The following SRGAP3 variants were observed in gnomAD, a reference collection of about 807,000 sequenced individuals.
SRGAP3 encodes the protein SLIT-ROBO Rho GTPase-activating protein 3.
SRGAP3 carries 39 observed loss-of-function variants against 121.1 expected under a neutral mutation model. That is an observed-to-expected ratio of 0.32 (90% confidence interval 0.25 to 0.42). SRGAP3 has a LOEUF of 0.42. Among genes scored for constraint, SRGAP3 ranks in the 10% least tolerant of loss-of-function variants. SRGAP3 has a pLI of 1.00. For missense variants in SRGAP3, 1,213 were observed against 1,470.6 expected (o/e 0.82, Z 2.86); for synonymous variants, 601 against 570.0 (o/e 1.05, Z -0.77).
chr3:9,044,420 C>A (rs1945160427), intron 10 of SRGAP3, among the ~76,000 whole-genome samples: 1 of 152,186 alleles, frequency 6.6e-6, no homozygotes, highest in African/African-American at 2.4e-5. Flanking sequence ...GATGGAGCCG[C>A]GATGGCGTAA....
chr3:9,174,716 A>C (rs911796244), intron 1 of SRGAP3, among the ~76,000 whole-genome samples: 1 of 152,092 alleles, frequency 6.6e-6, no homozygotes, highest in African/African-American at 2.4e-5. Flanking sequence ...CCCAGACGGG[A>C]GTGAGGGGGC....
chr3:9,172,163 C>T (rs1435203335), intron 1 of SRGAP3, among the ~76,000 whole-genome samples: 4 of 150,662 alleles, frequency 2.7e-5, no homozygotes, highest in African/African-American at 9.8e-5. Flanking sequence ...GTGCAGTCTC[C>T]ACTCACTGCA....
At chr3:9,189,334 G>A (rs116840103) in intron 1 of SRGAP3, among the ~76,000 whole-genome samples, 2,749 of 152,326 alleles carry the variant, frequency 0.018, 59 homozygotes, top group East Asian at 0.075. Context: ...CAGCTGGTAA[G>A]GCAAGCCCCT....
intron 3 of SRGAP3, among the ~76,000 whole-genome samples, chr3:9,301,114 A>G (rs1955047278): frequency 1.3e-5 from 2 of 152,046 alleles, no homozygotes; most frequent in Admixed American, 1.3e-4. Context: ...CCCTTGGTGA[A>G]GTTTCGTTTT....
chr3:9,058,373 C>T lies in SRGAP3; in HGVS notation c.901G>A (p.Val301Ile). 6.2e-7 allele frequency: 1 copy of T among 1,614,260 alleles called. No homozygotes were observed. Among genetic ancestry groups the T allele is most frequent in the Non-Finnish European group, 8.5e-7 (1 of 1,180,046 alleles). ...LETSRHEGLDVIENAVDNLDS... is the reference protein window; with the variant it reads ...LETSRHEGLDIIENAVDNLDS... The stretch of plus-strand genomic sequence containing the variant: ...AGGTTGTCCACTGCATTCTCAATGA[C>T]ATCCAGCCCTTCGTGGCGAGAGGTC... The change falls in exon 7 of 22, where the codon GTC (valine) becomes ATC (isoleucine). Residue 301 changes from valine (V) to isoleucine (I), a missense_variant. By Grantham distance (29) the Val-to-Ile change is conservative (BLOSUM62 3). Transcript: ENST00000383836.
At chr3:9,179,523 ATCACCAATGGAT>A (rs1033790225) in intron 1 of SRGAP3, among the ~76,000 whole-genome samples, 73 of 152,356 alleles carry the variant, frequency 4.8e-4, no homozygotes, top group African/African-American at 1.7e-3. Context: ...ATCAGATGCC[ATCACCAATGGAT>A]GCCTGGTGGC....
intron 6 of SRGAP3, chr3:9,059,953 AG>A: frequency 2.3e-6 from 1 of 442,766 alleles, no homozygotes; most frequent in Non-Finnish European, 4.2e-6. Flanking sequence ...GGTGTCCAGG[AG>A]GGTACTTGGG....
At chr3:9,059,373 G>T (rs1341716543) in intron 6 of SRGAP3, 1 of 152,290 alleles carries the variant, frequency 6.6e-6, no homozygotes, top group Admixed American at 6.5e-5. Context: ...AAAGAGGAAG[G>T]TCTGGCCTTG....
intron 1 of SRGAP3, among the ~76,000 whole-genome samples, chr3:9,171,158 A>C (rs1388320458): frequency 6.6e-6 from 1 of 152,206 alleles, no homozygotes; most frequent in Non-Finnish European, 1.5e-5. Context: ...TGAGAACCTG[A>C]AAAAGTCCTG....
chr3:9,017,957 T>C (rs1159817532), intron 14 of SRGAP3, among the ~76,000 whole-genome samples: 1 of 152,186 alleles, frequency 6.6e-6, no homozygotes, highest in Non-Finnish European at 1.5e-5. Context: ...ACTTATTTCT[T>C]CTATCTAATT....
At chr3:9,198,399 A>G (rs1310124003) in intron 1 of SRGAP3, among the ~76,000 whole-genome samples, 1 of 152,224 alleles carries the variant, frequency 6.6e-6, no homozygotes, top group Non-Finnish European at 1.5e-5. Context: ...GATGAGGAAG[A>G]CTGGGGTAAT....
At chr3:9,052,008 C>T (rs572325231) in intron 9 of SRGAP3, among the ~76,000 whole-genome samples, 2 of 152,138 alleles carry the variant, frequency 1.3e-5, no homozygotes, top group Non-Finnish European at 1.5e-5. Flanking sequence ...CCACGGTGCC[C>T]GGCCAATTTT....
At chr3:9,281,077 G>A (rs1367615416) in intron 3 of SRGAP3, among the ~76,000 whole-genome samples, 2 of 152,058 alleles carry the variant, frequency 1.3e-5, no homozygotes, top group African/African-American at 2.4e-5. Flanking sequence ...TTGCTATCTC[G>A]CCTCTCCACA....
At chr3:9,025,197 C>G (rs1484786649) in intron 14 of SRGAP3, 64 bp downstream of exon 14, 1 of 1,562,820 alleles carries the variant, frequency 6.4e-7, no homozygotes, top group Non-Finnish European at 8.8e-7. Flanking sequence ...GGCTCTGAGA[C>G]ACACGTGAAT....
chr3:9,122,042 G>A lies in SRGAP3; in HGVS notation c.260+2683C>T, dbSNP rs141369840. 9.0e-3 allele frequency among the ~76,000 whole-genome samples: 1,376 copies of A among 152,286 alleles called. 21 individuals are homozygous for A. The highest frequency in any genetic ancestry group is 0.03 in the African/African-American group (1,233 of 41,558). ...TTCAATTCTGTCTCTTTCCAATTGC[G>A]GGTTCACAGACATGTTTGGACAAGC... On this transcript the variant is annotated intron_variant, in intron 2 of 21. Coordinates refer to ENST00000383836, the MANE Select transcript of SRGAP3 (RefSeq NM_014850.4).
chr3:9,281,899 C>T, intron 3 of SRGAP3, among the ~76,000 whole-genome samples: 1 of 152,154 alleles, frequency 6.6e-6, no homozygotes, highest in African/African-American at 2.4e-5. Flanking sequence ...TCTCAAACCT[C>T]AAGTGACCCG....
chr3:9,141,115 T>C (rs1949829595), intron 1 of SRGAP3, among the ~76,000 whole-genome samples: 1 of 152,186 alleles, frequency 6.6e-6, no homozygotes, highest in Non-Finnish European at 1.5e-5. Context: ...CCAGAAAATC[T>C]CACTTTAGTT....
chr3:9,013,325 A>C lies in SRGAP3; in HGVS notation c.2130T>G (p.Ala710=), dbSNP rs140210494. The C allele has an allele frequency of 3.3e-5, 54 of 1,613,938 alleles. No individual in the cohort carries two copies. The highest frequency in any genetic ancestry group is 4.3e-5 in the Non-Finnish European group (51 of 1,179,986). The change falls in exon 17 of 22, where the codon GCT becomes GCG. Residue 710 remains alanine (A), a synonymous_variant. Transcript: ENST00000383836. ...CATCTTACCAATATTCTTCCCCTCC[A>C]GCCATGCATTTTTCATACACAGGTC... is the stretch of plus-strand genomic sequence containing the variant. The part of the protein sequence containing the change: ...LEGPVYEKCM[A]GGEEYCDSPH...
intron 1 of SRGAP3, among the ~76,000 whole-genome samples, chr3:9,166,066 T>C (rs979434131): frequency 6.6e-6 from 1 of 152,222 alleles, no homozygotes; most frequent in Non-Finnish European, 1.5e-5. Context: ...ATGAATCTTC[T>C]ACCCTACTCC....
Sources: gnomAD v4.1 joint callset for allele counts (sites outside exome capture counted in the v4.1 genomes callset) on GRCh38, gnomAD v4.1.1 for gene constraint, MANE v1.5 for transcripts, NCBI Gene and HGNC (gene_info 2026-07-23, HGNC 2026-07-21) for gene names.